The following FOXJ3 variants were observed in gnomAD, a reference collection of about 807,000 sequenced individuals.
FOXJ3 encodes the protein forkhead box protein J3.
FOXJ3 carries 22 observed loss-of-function variants against 76.1 expected under a neutral mutation model. That is an observed-to-expected ratio of 0.29 (90% CI 0.21 to 0.41). The LOEUF is 0.41. FOXJ3 is among the 10% of genes least tolerant of loss of function. The pLI, the probability that FOXJ3 is intolerant of heterozygous loss-of-function variation, is 1.00. For synonymous variants in FOXJ3, 269 were observed against 261.2 expected (o/e 1.03, Z -0.29); for missense variants, 613 against 762.1 (o/e 0.80, Z 2.30).
intron 2 of FOXJ3, among the ~76,000 whole-genome samples, chr1:42,304,983 A>G (rs978223735): frequency 4.6e-5 from 7 of 152,232 alleles, no homozygotes; most frequent in African/African-American, 1.4e-4. Context: ...AAATATCTGC[A>G]AACTACCCAT....
At chr1:42,308,862 A>G (rs1654625196) in intron 2 of FOXJ3, among the ~76,000 whole-genome samples, 1 of 152,192 alleles carries the variant, frequency 6.6e-6, no homozygotes, top group Non-Finnish European at 1.5e-5. Flanking sequence ...AGATAAACAT[A>G]GTATTCACAT....
intron 1 of FOXJ3, among the ~76,000 whole-genome samples, chr1:42,317,805 T>C (rs2494369): frequency 0.18 from 26,687 of 152,084 alleles, 2,522 homozygotes; most frequent in Admixed American, 0.25. Context: ...ACAGAAGGTA[T>C]AGATTAAGAA....
At chr1:42,180,191 T>C (rs1022846215) in intron 12 of FOXJ3, among the ~76,000 whole-genome samples, 1 of 152,206 alleles carries the variant, frequency 6.6e-6, no homozygotes, top group Non-Finnish European at 1.5e-5. Flanking sequence ...GTAACATGAA[T>C]TGGCTCCCAT....
At chr1:42,267,940 T>C (rs946554435) in intron 3 of FOXJ3, among the ~76,000 whole-genome samples, 3 of 151,892 alleles carry the variant, frequency 2.0e-5, no homozygotes, top group Non-Finnish European at 4.4e-5. Flanking sequence ...ACTGGCACAT[T>C]CACAAAGAGC....
At chr1:42,200,467 C>A (rs1646741541) in intron 6 of FOXJ3, among the ~76,000 whole-genome samples, 1 of 151,744 alleles carries the variant, frequency 6.6e-6, no homozygotes, top group Non-Finnish European at 1.5e-5. Flanking sequence ...TTATCCTTTT[C>A]TTCAATATTT....
chr1:42,223,050 T>C (rs1647282652), intron 5 of FOXJ3, among the ~76,000 whole-genome samples: 1 of 152,230 alleles, frequency 6.6e-6, no homozygotes, highest in African/African-American at 2.4e-5. Context: ...CCTAAAATTA[T>C]GTGTCTTACG....
chr1:42,208,321 G>A (rs1646899413), intron 5 of FOXJ3, among the ~76,000 whole-genome samples: 1 of 152,182 alleles, frequency 6.6e-6, no homozygotes. Flanking sequence ...CAACAGTTCA[G>A]TAAAAGGATC....
In FOXJ3 at chr1:42,178,434, T is replaced by A. The variant is rs1038345135; in HGVS notation, c.*1276A>T. ...TCTATTCACATGGTAAAAGGAGTGA[T>A]GATAGAGAATGACACAATGTCTCTC... On this transcript the variant is annotated 3_prime_UTR_variant, in exon 13 of 13. Transcript: ENST00000361346. The A allele has an allele frequency of 6.6e-6, 1 of 152,244 alleles. No homozygotes were observed. The highest frequency in any genetic ancestry group is 2.1e-4 in the South Asian group (1 of 4,834). The allele number at this position is 152,244 out of a possible 1,614,324, so 9.4% of individuals were successfully genotyped here.
At chr1:42,250,011 T>G (rs902571802) in intron 4 of FOXJ3, among the ~76,000 whole-genome samples, 1 of 152,154 alleles carries the variant, frequency 6.6e-6, no homozygotes, top group African/African-American at 2.4e-5. Flanking sequence ...TAGTACAGTA[T>G]AGCTTGAATA....
At chr1:42,310,149 GTTTTT>G (rs201552474) in intron 2 of FOXJ3, among the ~76,000 whole-genome samples, 1 of 140,258 alleles carries the variant, frequency 7.1e-6, no homozygotes, top group Non-Finnish European at 1.6e-5. Flanking sequence ...GCAGGTTTAG[GTTTTT>G]TTTTTTTTTT....
intron 1 of FOXJ3, among the ~76,000 whole-genome samples, chr1:42,331,948 T>C (rs972550087): frequency 6.6e-6 from 1 of 152,214 alleles, no homozygotes; most frequent in Non-Finnish European, 1.5e-5. Flanking sequence ...TATCAGATAC[T>C]AATGTCTCTA....
rs1320550478 is a variant in FOXJ3, at chr1:42,188,758, G to C, written c.1624C>G (p.Pro542Ala). The change falls in exon 11 of 13, where the codon CCT becomes GCT. Residue 542 changes from proline (P) to alanine (A), a missense_variant. Physicochemically the swap from Pro to Ala is conservative, Grantham distance 27. This residue lies in a region of FOXJ3 where 526 missense variants were observed against 601.4 expected (regional missense o/e 0.87). Coordinates refer to ENST00000361346, the MANE Select transcript of FOXJ3 (RefSeq NM_014947.5). ...VCHGAMHPTK[P>A]SQHIGTGNLY... Reference sequence around the variant, plus strand: ...ATACCTGTTCCAATGTGTTGGGAAGGTTTTGTTGGATGCATGGCACCATGA... The same window carrying C: ...ATACCTGTTCCAATGTGTTGGGAAGCTTTTGTTGGATGCATGGCACCATGA... The C allele has an allele frequency of 6.2e-7, 1 of 1,604,392 alleles. No individual in the cohort carries two copies. Among genetic ancestry groups the C allele is most frequent in the East Asian group, 2.2e-5 (1 of 44,528 alleles).
intron 1 of FOXJ3, among the ~76,000 whole-genome samples, chr1:42,332,471 T>C (rs976621725): frequency 6.6e-6 from 1 of 152,210 alleles, no homozygotes; most frequent in Non-Finnish European, 1.5e-5. Context: ...TGTTAGCTAT[T>C]ATTTTATTCC....
In FOXJ3 at chr1:42,178,181, C is replaced by A. The variant is rs1433533082; in HGVS notation, c.*1529G>T. On this transcript the variant is annotated 3_prime_UTR_variant, in exon 13 of 13. Coordinates refer to ENST00000361346, the MANE Select transcript of FOXJ3 (RefSeq NM_014947.5). ...GGACCAAATGTCATGCATACACAGA[C>A]ATACAAGACAACAGAAACAGCAGGC... 1 of 152,342 alleles carries A rather than the reference C, an allele frequency of 6.6e-6. No homozygotes were observed. Among genetic ancestry groups the A allele is most frequent in the Non-Finnish European group, 1.5e-5 (1 of 68,036 alleles). The allele number at this position is 152,342 out of a possible 1,614,324, so 9.4% of individuals were successfully genotyped here. A position where few individuals can be genotyped will look rare whatever the true frequency, so the allele number is the denominator to read the frequency against.
At chr1:42,197,201 A>G (rs1229728754) in intron 7 of FOXJ3, among the ~76,000 whole-genome samples, 1 of 152,158 alleles carries the variant, frequency 6.6e-6, no homozygotes, top group Non-Finnish European at 1.5e-5. Flanking sequence ...GGCATTTAGT[A>G]GCATCAAAGA....
chr1:42,226,975 T>A (rs1411407746), intron 5 of FOXJ3, among the ~76,000 whole-genome samples: 4 of 152,256 alleles, frequency 2.6e-5, no homozygotes, highest in Non-Finnish European at 4.4e-5. Context: ...TGATTCATGC[T>A]GCAAACATTT....
intron 5 of FOXJ3, among the ~76,000 whole-genome samples, chr1:42,223,742 A>T (rs1380259489): frequency 6.6e-6 from 1 of 152,234 alleles, no homozygotes; most frequent in Non-Finnish European, 1.5e-5. Flanking sequence ...TGTTTGAATT[A>T]ATGGAGGGAA....
intron 4 of FOXJ3, among the ~76,000 whole-genome samples, chr1:42,246,771 C>T (rs931845244): frequency 6.6e-6 from 1 of 151,954 alleles, no homozygotes; most frequent in East Asian, 1.9e-4. Context: ...TTCACAAAAG[C>T]AAAGATATAG....
At chr1:42,279,825 G>A (rs531312236) in intron 2 of FOXJ3, among the ~76,000 whole-genome samples, 118 of 152,070 alleles carry the variant, frequency 7.8e-4, no homozygotes, top group African/African-American at 2.6e-3. Flanking sequence ...AAAACTTAAA[G>A]GTTTCTTTTG....
Sources: allele counts gnomAD v4.1 joint callset (sites outside exome capture counted in the v4.1 genomes callset), GRCh38; gene constraint gnomAD v4.1.1; regional missense constraint gnomAD v4.1.1; transcripts MANE v1.5; gene names NCBI Gene and HGNC (gene_info 2026-07-23, HGNC 2026-07-21).